Variants in EML6 observed in about 807,000 individuals in gnomAD.
The protein encoded by EML6 is echinoderm microtubule-associated protein-like 6.
In EML6, 154 loss-of-function variants were observed where a neutral mutation model predicts 240.1. The ratio of observed to expected loss-of-function variants is 0.64; its 90% CI spans 0.56 to 0.73. EML6 has a LOEUF of 0.73. Ranked by LOEUF, EML6 falls within the 30% of genes least tolerant of loss-of-function variation. EML6 has a pLI of 0.00. For synonymous variants in EML6, 1,148 were observed against 899.0 expected (o/e 1.28, Z -4.95); for missense variants, 2,964 against 2,474.6 (o/e 1.20, Z -4.20).
At chr2:54,802,922 T>C (rs886499842) in intron 2 of EML6, among the ~76,000 whole-genome samples, 5 of 152,166 alleles carry the variant, frequency 3.3e-5, no homozygotes, top group Admixed American at 2.0e-4. Context: ...CCACAGTGAC[T>C]GAATCCAAAC....
At chr2:54,917,351 T>TTTTTTTG (rs1228667199) in intron 26 of EML6, among the ~76,000 whole-genome samples, 87 of 101,862 alleles carry the variant, frequency 8.5e-4, no homozygotes, top group Middle Eastern at 8.8e-3. Flanking sequence ...CTTCCCTTTT[T>TTTTTTTG]TTTTTTGTTT....
At chr2:54,967,597 T>C (rs1191924611) in intron 39 of EML6, among the ~76,000 whole-genome samples, 1 of 152,014 alleles carries the variant, frequency 6.6e-6, no homozygotes, top group Non-Finnish European at 1.5e-5. Context: ...AAGATGGGGG[T>C]AACTTGTGTT....
intron 40 of EML6, 24 bp from the exon 41 acceptor site, chr2:54,968,644 G>A (rs1463697957): frequency 4.9e-6 from 7 of 1,429,008 alleles, no homozygotes; most frequent in Non-Finnish European, 6.8e-6. Context: ...TCTCTTAGCT[G>A]TCTCCATTCA....
chr2:54,810,851 G>A (rs545011977), intron 2 of EML6, among the ~76,000 whole-genome samples: 49 of 152,156 alleles, frequency 3.2e-4, no homozygotes, highest in Non-Finnish European at 3.7e-4. Context: ...GACTCCAGAT[G>A]TGATGCTAAC....
intron 22 of EML6, among the ~76,000 whole-genome samples, chr2:54,900,609 C>A (rs534579408): frequency 3.2e-3 from 493 of 152,256 alleles, no homozygotes; most frequent in Non-Finnish European, 4.3e-3. Context: ...GGGACTCTGC[C>A]AGCATGCAGT....
intron 21 of EML6, among the ~76,000 whole-genome samples, chr2:54,897,692 C>T (rs1391834243): frequency 5.6e-5 from 2 of 35,798 alleles, no homozygotes; most frequent in Non-Finnish European, 1.3e-4. Flanking sequence ...ACCATTCTCT[C>T]CCTTTTTTTT....
At chr2:54,937,208 G>A (rs567087374) in intron 28 of EML6, among the ~76,000 whole-genome samples, 4 of 151,784 alleles carry the variant, frequency 2.6e-5, no homozygotes, top group East Asian at 1.9e-4. Flanking sequence ...AACCCGGGAG[G>A]TGGAGGTTGT....
intron 2 of EML6, among the ~76,000 whole-genome samples, chr2:54,763,566 A>G (rs748582474): frequency 2.0e-5 from 3 of 152,200 alleles, no homozygotes; most frequent in Non-Finnish European, 4.4e-5. Flanking sequence ...AAAATCAAAC[A>G]CAGTGTTTGG....
intron 2 of EML6, among the ~76,000 whole-genome samples, chr2:54,809,777 C>T (rs374642564): frequency 2.8e-4 from 42 of 152,226 alleles, no homozygotes; most frequent in Admixed American, 8.5e-4. Flanking sequence ...GAGTAAAGTT[C>T]GTGAGCTTTT....
chr2:54,921,394 A>G (rs1385356250), intron 26 of EML6, among the ~76,000 whole-genome samples: 1 of 152,152 alleles, frequency 6.6e-6, no homozygotes, highest in East Asian at 1.9e-4. Flanking sequence ...TGTATACTGA[A>G]ATCTGTAAGA....
intron 7 of EML6, among the ~76,000 whole-genome samples, chr2:54,836,768 C>T (rs12996834): frequency 0.32 from 48,582 of 152,122 alleles, 8,987 homozygotes; most frequent in East Asian, 0.58. Context: ...AATTCCTAAT[C>T]GTTTTTTAGC....
chr2:54,930,236 C>G (rs542515530), intron 28 of EML6, among the ~76,000 whole-genome samples: 4 of 152,216 alleles, frequency 2.6e-5, no homozygotes, highest in African/African-American at 4.8e-5. Flanking sequence ...TGCTAGCCAC[C>G]AAAATATAAT....
intron 2 of EML6, among the ~76,000 whole-genome samples, chr2:54,751,736 T>C (rs1684173794): frequency 6.6e-6 from 1 of 152,218 alleles, no homozygotes; most frequent in African/African-American, 2.4e-5. Flanking sequence ...CTAAAAGTTG[T>C]CTTGGTTGAC....
chr2:54,879,612 A>C lies in EML6; in HGVS notation c.2410A>C (p.Lys804Gln), dbSNP rs1265557961. The change falls in exon 17 of 42, where the codon AAA becomes CAA. Residue 804 changes from lysine (K) to glutamine (Q), a missense_variant. Lys to Gln is a moderately conservative substitution (Grantham distance 53, BLOSUM62 1). Coordinates refer to ENST00000356458, the MANE Select transcript of EML6 (RefSeq NM_001039753.4). ...DFHSIVFWDW[K>Q]KGEKIATTRG... ...TCACAGTATTGTATTTTGGGACTGG[A>C]AAAAGGGAGAAAAGATAGCCACAAC... 2 of 1,549,326 alleles carry C rather than the reference A, an allele frequency of 1.3e-6. No individual in the cohort carries two copies. The highest frequency in any genetic ancestry group is 2.4e-5 in the South Asian group (2 of 83,942).
Position 54,911,088 on chromosome 2 carries a change from T to A in EML6, c.3498+46T>A, listed in dbSNP as rs1231342121. On this transcript the variant is annotated intron_variant, in intron 25 of 41. Coordinates refer to ENST00000356458, the MANE Select transcript of EML6 (RefSeq NM_001039753.4). ...TTTTTAAAGATATTTTGTGAAGATT[T>A]AATATGTGCATTTTAATAAAACCTA... The A allele has an allele frequency of 6.5e-5, 64 of 979,236 alleles. No homozygotes were observed. The Admixed American group carries it at 1.4e-3, about 21-fold the overall frequency. The allele number at this position is 979,236 out of a possible 1,614,324, so 60.7% of individuals were successfully genotyped here. A position where few individuals can be genotyped will look rare whatever the true frequency, so the allele number is the denominator to read the frequency against.
intron 2 of EML6, among the ~76,000 whole-genome samples, chr2:54,805,527 A>C (rs1670422672): frequency 6.6e-6 from 1 of 152,056 alleles, no homozygotes; most frequent in South Asian, 2.1e-4. Context: ...GCATATTTTA[A>C]ATTAAGTTGT....
chr2:54,780,793 G>T (rs1167876240), intron 2 of EML6, among the ~76,000 whole-genome samples: 29 of 152,150 alleles, frequency 1.9e-4, no homozygotes, highest in Admixed American at 1.9e-3. Context: ...ACTACATTAT[G>T]GCTTGTGAGT....
chr2:54,957,413 C>T (rs1183986204), intron 32 of EML6, among the ~76,000 whole-genome samples: 4 of 147,406 alleles, frequency 2.7e-5, no homozygotes, highest in South Asian at 2.1e-4. Context: ...CCTCTGGGAG[C>T]GGCTCTGTCA....
At chr2:54,811,540 G>C (rs1339426491) in intron 2 of EML6, among the ~76,000 whole-genome samples, 1 of 151,996 alleles carries the variant, frequency 6.6e-6, no homozygotes, top group African/African-American at 2.4e-5. Context: ...TTCTTTACAT[G>C]TCTCTTTCCT....
Sources: gnomAD v4.1 joint callset for allele counts (sites outside exome capture counted in the v4.1 genomes callset) on GRCh38, gnomAD v4.1.1 for gene constraint, MANE v1.5 for transcripts, NCBI Gene and HGNC (gene_info 2026-07-23, HGNC 2026-07-21) for gene names.